Variants in ELF1 observed in about 807,000 individuals in gnomAD.
The protein encoded by ELF1 is ETS-related transcription factor Elf-1.
A neutral mutation model predicts 59.9 loss-of-function variants in ELF1; 24 were observed. The ratio of observed to expected loss-of-function variants is 0.40; its 90% CI spans 0.29 to 0.56. The LOEUF (loss-of-function observed/expected upper bound fraction) is 0.56. ELF1 is among the 20% of genes least tolerant of loss of function. The pLI is 0.44. For synonymous variants in ELF1, 248 were observed against 266.2 expected (o/e 0.93, Z 0.67); for missense variants, 627 against 742.2 (o/e 0.84, Z 1.80).
In ELF1 at chr13:40,933,243, T is replaced by C; in HGVS notation, c.*182A>G. On this transcript the variant is annotated 3_prime_UTR_variant, in exon 9 of 9. Coordinates refer to ENST00000239882, the MANE Select transcript of ELF1 (RefSeq NM_172373.4). The stretch of plus-strand genomic sequence containing the variant: ...TCCTTCACGATTGAATTCTGAAACA[T>C]TTAGATAACAAAGAGAAACAGTTGA... The C allele has an allele frequency of 1.4e-6, 1 of 737,518 alleles. No individual in the cohort carries two copies. The highest frequency in any genetic ancestry group is 3.4e-5 in the Admixed American group (1 of 29,468). 45.7% of individuals were successfully genotyped at this position (737,518 alleles called of 1,614,324 possible).
In ELF1 at chr13:40,975,821, TTATA is replaced by T. The variant is rs148644589; in HGVS notation, c.72+6158_72+6161del. Among the ~76,000 whole-genome samples, 389 of 152,276 alleles carry T rather than the reference TTATA, an allele frequency of 2.6e-3. 1 individual carries two copies. The highest frequency in any genetic ancestry group is 3.6e-3 in the Non-Finnish European group (247 of 68,026). On this transcript the variant is annotated intron_variant, in intron 2 of 8. Coordinates refer to ENST00000239882, the MANE Select transcript of ELF1 (RefSeq NM_172373.4). ...TAGCAACAGGTAAGTTTTACCTATT[TTATA>T]GAAGAGATCACTTATTCAACAGATT... is the stretch of plus-strand genomic sequence containing the variant.
intron 8 of ELF1, among the ~76,000 whole-genome samples, chr13:40,934,416 CTTTTTTTTT>C (rs10692930): frequency 2.9e-5 from 3 of 102,466 alleles, no homozygotes; most frequent in Admixed American, 1.3e-4. Context: ...TTCATTCCTG[CTTTTTTTTT>C]TTTTTTTTTT....
chr13:40,955,499 A>G (rs1871250246), intron 3 of ELF1, among the ~76,000 whole-genome samples: 1 of 85,296 alleles, frequency 1.2e-5, no homozygotes, highest in African/African-American at 4.9e-5. Flanking sequence ...CCCTACTGGG[A>G]AGTGAGGAGT....
Position 40,943,833 on chromosome 13 carries a change from C to T in ELF1, c.613+9G>A, listed in dbSNP as rs769188564. 9.9e-6 allele frequency: 16 copies of T among 1,609,880 alleles called. No individual in the cohort carries two copies. In the South Asian group the frequency reaches 1.7e-4, roughly 17 times the overall value. On this transcript the variant is annotated intron_variant, in intron 6 of 8. Coordinates refer to ENST00000239882, the MANE Select transcript of ELF1 (RefSeq NM_172373.4). The stretch of plus-strand genomic sequence containing the variant: ...TGTTATTTGACCTATAAGTATTACA[C>T]AGTAGTACCCTTTCCATCTTTGTTT...
intron 8 of ELF1, among the ~76,000 whole-genome samples, chr13:40,936,171 GAGA>G (rs763838040): frequency 1.8e-4 from 28 of 152,228 alleles, no homozygotes; most frequent in Admixed American, 5.9e-4. Context: ...TGACCAGTTA[GAGA>G]AGAAGAGAGG....
intron 2 of ELF1, among the ~76,000 whole-genome samples, chr13:40,969,980 G>A (rs1350840365): frequency 6.6e-6 from 1 of 152,104 alleles, no homozygotes; most frequent in Non-Finnish European, 1.5e-5. Flanking sequence ...TGCATGTGGG[G>A]ATTGTTCCCT....
chr13:40,958,436 G>A lies in ELF1; in HGVS notation c.253+400C>T, dbSNP rs912756144. 5.3e-5 allele frequency among the ~76,000 whole-genome samples: 8 copies of A among 151,938 alleles called. No individual in the cohort carries two copies. In the East Asian group the frequency reaches 1.4e-3, roughly 26 times the overall value. The stretch of plus-strand genomic sequence containing the variant: ...GAGCTGGGTGGGGTGGTGCATGACT[G>A]TTGTCCCAGTTACTCAGGAGGCTAA... On this transcript the variant is annotated intron_variant, in intron 3 of 8. Transcript: ENST00000239882.
rs1327188116 is a variant in ELF1 at position 40,940,924 on chromosome 13, A to G, written c.1253T>C (p.Ile418Thr). 1 of 1,608,896 alleles carries G rather than the reference A, an allele frequency of 6.2e-7. No homozygotes were observed. Among genetic ancestry groups the G allele is most frequent in the Non-Finnish European group, 8.5e-7 (1 of 1,176,926 alleles). Residue 418 changes from isoleucine to threonine, a missense_variant, in exon 8 of 9, where the codon ATT (isoleucine) becomes ACT (threonine). By Grantham distance (89) the Ile-to-Thr change is moderately conservative. Coordinates refer to ENST00000239882, the MANE Select transcript of ELF1 (RefSeq NM_172373.4). ...DETLNSSVQS[I>T]RTIQAPTQVP... ...ATCAGTAGTTTGGTTTTCTCACCTA[A>G]TACTCTGAACGGAAGAATTTAATGT...
intron 3 of ELF1, among the ~76,000 whole-genome samples, chr13:40,957,312 T>C (rs1377059954): frequency 3.8e-5 from 5 of 132,702 alleles, no homozygotes; most frequent in Non-Finnish European, 8.1e-5. Flanking sequence ...GCTTCACAGC[T>C]CTTTCCTGTC....
chr13:40,998,577 T>A (rs2138326508), intron 1 of ELF1, among the ~76,000 whole-genome samples: 1 of 152,352 alleles, frequency 6.6e-6, no homozygotes, highest in South Asian at 2.1e-4. Context: ...ATTTATAAAT[T>A]ATACATTAAC....
chr13:41,024,334 T>C (rs1477697748), intron 1 of ELF1, among the ~76,000 whole-genome samples: 1 of 151,862 alleles, frequency 6.6e-6, no homozygotes, highest in Non-Finnish European at 1.5e-5. Context: ...GCTGTTTTTG[T>C]TTTTTGAGAC....
chr13:41,021,428 T>A (rs1218834444), upstream of ELF1, among the ~76,000 whole-genome samples: 2 of 152,198 alleles, frequency 1.3e-5, no homozygotes, highest in African/African-American at 2.4e-5. Context: ...TTAGCATTAT[T>A]CTATCACCTA....
intron 1 of ELF1, among the ~76,000 whole-genome samples, chr13:41,005,450 CA>C (rs11383900): frequency 0.033 from 1,824 of 54,960 alleles, 11 homozygotes; most frequent in African/African-American, 0.058. Flanking sequence ...TATACCTATC[CA>C]AAAAAAAAAA....
intron 1 of ELF1, chr13:40,982,763 G>A: frequency 1.9e-6 from 1 of 534,218 alleles, no homozygotes; most frequent in Non-Finnish European, 2.4e-6. Flanking sequence ...TTAGTAAGAA[G>A]TATTTTTAAA....
intron 1 of ELF1, among the ~76,000 whole-genome samples, chr13:41,060,132 A>G (rs2138447102): frequency 6.6e-6 from 1 of 152,256 alleles, no homozygotes; most frequent in East Asian, 1.9e-4. Flanking sequence ...CCGCGGGTGG[A>G]GACGCGAGCG....
chr13:41,008,609 G>A (rs1045085136), intron 1 of ELF1, among the ~76,000 whole-genome samples: 1 of 151,892 alleles, frequency 6.6e-6, no homozygotes, highest in African/African-American at 2.4e-5. Flanking sequence ...GTACAAGACA[G>A]ACCTATGGAT....
At position 40,949,845 on chromosome 13, in the gene ELF1, G is replaced by GT. The variant is rs1472766169; in HGVS notation, c.489dup (p.Pro164ThrfsTer10). ...GGCTGTTCTGGTGATGAGGCTCCCG[G>GT]TGAGTCTGCATATTTTTCTTGCACC... is the stretch of plus-strand genomic sequence containing the variant. On this transcript the variant is annotated frameshift_variant, in exon 5 of 9. Coordinates refer to ENST00000239882, the MANE Select transcript of ELF1 (RefSeq NM_172373.4). LOFTEE classifies it high-confidence loss of function. 2 of 1,613,916 alleles carry GT rather than the reference G, an allele frequency of 1.2e-6. No individual in the cohort carries two copies. The highest frequency in any genetic ancestry group is 1.7e-6 in the Non-Finnish European group (2 of 1,179,994).
In ELF1 at chr13:41,039,241, A is replaced by G. The variant is rs9562267; in HGVS notation, c.-229+21597T>C. Among the ~76,000 whole-genome samples, 116 of 151,914 alleles carry G rather than the reference A, an allele frequency of 7.6e-4. 1 individual carries two copies. In the East Asian group the frequency reaches 0.016, roughly 21 times the overall value. On this transcript the variant is annotated intron_variant, in intron 1 of 1. Transcript: ENST00000405737. ...ACGGCAATACCCCATCTTAAAAAAT[A>G]AATAAGTAAGTAAATAAATAATTTT...
At chr13:41,060,722 G>GA (rs1877518162) in intron 1 of ELF1, 1 of 162,926 alleles carries the variant, frequency 6.1e-6, no homozygotes, top group Non-Finnish European at 1.4e-5. Flanking sequence ...CAAAAAAAAA[G>GA]AAAAATAAGG....
Sources: gnomAD v4.1 joint callset for allele counts (sites outside exome capture counted in the v4.1 genomes callset) on GRCh38, gnomAD v4.1.1 for gene constraint, MANE v1.5 for transcripts, NCBI Gene and HGNC (gene_info 2026-07-23, HGNC 2026-07-21) for gene names.